The following SPMIP4 variants were observed in gnomAD, a reference collection of about 807,000 sequenced individuals.
The protein encoded by SPMIP4 is sperm-associated microtubule inner protein 4.
chr7:25,164,168 C>T, the SPMIP4 span, among the ~76,000 whole-genome samples: 6 of 152,044 alleles, frequency 3.9e-5, no homozygotes, highest in Non-Finnish European at 5.9e-5. Context: ...GGGAGTGGTG[C>T]GTCTTACTGT....
chr7:25,161,373 A>G, the SPMIP4 span: 1 of 489,812 alleles, frequency 2.0e-6, no homozygotes, highest in Non-Finnish European at 3.6e-6. Flanking sequence ...GTAGAAATTC[A>G]ATATATGAAA....
the SPMIP4 span, among the ~76,000 whole-genome samples, chr7:25,140,439 C>T: frequency 2.6e-5 from 4 of 152,132 alleles, no homozygotes; most frequent in East Asian, 1.9e-4. Flanking sequence ...GTAGCTAGGA[C>T]TACAGGCATG....
At chr7:25,146,006 GACC>G in the SPMIP4 span, among the ~76,000 whole-genome samples, 1 of 152,104 alleles carries the variant, frequency 6.6e-6, no homozygotes, top group Non-Finnish European at 1.5e-5. Context: ...TTACTGTGGA[GACC>G]ACATTGCCAT....
chr7:25,137,427 G>T, the SPMIP4 span, among the ~76,000 whole-genome samples: 2 of 151,916 alleles, frequency 1.3e-5, no homozygotes, highest in South Asian at 4.2e-4. Context: ...GTTGCGGAGT[G>T]TATTAATTTG....
chr7:25,132,567 A>G, the SPMIP4 span, among the ~76,000 whole-genome samples: 1 of 152,292 alleles, frequency 6.6e-6, no homozygotes, highest in Non-Finnish European at 1.5e-5. The surrounding 1 kb of genome is among the most constrained non-coding windows in gnomAD (Gnocchi z 5.0). Flanking sequence ...AGAATGGCCA[A>G]ACCACCCCTT....
At chr7:25,156,915 C>T in the SPMIP4 span, among the ~76,000 whole-genome samples, 1 of 152,146 alleles carries the variant, frequency 6.6e-6, no homozygotes, top group African/African-American at 2.4e-5. Flanking sequence ...TCTTGAACTC[C>T]TGACCTTGTG....
At chr7:25,140,413 C>T in the SPMIP4 span, among the ~76,000 whole-genome samples, 2 of 152,156 alleles carry the variant, frequency 1.3e-5, no homozygotes, top group African/African-American at 4.8e-5. Flanking sequence ...GCGATTCTCC[C>T]ACCTTAGCCT....
the SPMIP4 span, chr7:25,135,637 T>C: frequency 2.6e-5 from 22 of 840,378 alleles, no homozygotes; most frequent in East Asian, 2.0e-3. Flanking sequence ...TCAATTTTTT[T>C]TGGTGAAACA....
At chr7:25,143,093 T>G in the SPMIP4 span, among the ~76,000 whole-genome samples, 8 of 152,340 alleles carry the variant, frequency 5.3e-5, no homozygotes, top group South Asian at 1.7e-3. Flanking sequence ...TCCCTGAATA[T>G]TCTACCTCCA....
chr7:25,160,556 C>G, the SPMIP4 span, among the ~76,000 whole-genome samples: 1 of 152,180 alleles, frequency 6.6e-6, no homozygotes, highest in Admixed American at 6.5e-5. Flanking sequence ...TCCTCAGCCT[C>G]CCAAAGTGTT....
chr7:25,132,479 A>C, the SPMIP4 span, among the ~76,000 whole-genome samples: 8,009 of 152,184 alleles, frequency 0.053, 720 homozygotes, highest in African/African-American at 0.18. This position sits in a 1 kb window ranked among gnomAD's most constrained non-coding sequence, Gnocchi z 5.0. Context: ...ACATTTGTTA[A>C]AAGTAAAAGT....
At chr7:25,138,168 A>T in the SPMIP4 span, among the ~76,000 whole-genome samples, 1 of 152,070 alleles carries the variant, frequency 6.6e-6, no homozygotes, top group Non-Finnish European at 1.5e-5. This position sits in a 1 kb window ranked among gnomAD's most constrained non-coding sequence, Gnocchi z 6.2. Flanking sequence ...ACTGTGATTT[A>T]TGTGTGTATT....
the SPMIP4 span, among the ~76,000 whole-genome samples, chr7:25,154,424 G>C: frequency 1.1e-3 from 175 of 152,322 alleles, 1 homozygote; most frequent in East Asian, 0.028. Flanking sequence ...AAAGACCGAG[G>C]TGTCTAGTGT....
At chr7:25,174,192 CT>C in the SPMIP4 span, among the ~76,000 whole-genome samples, 2 of 152,018 alleles carry the variant, frequency 1.3e-5, no homozygotes, top group South Asian at 2.1e-4. The surrounding 1 kb of genome is among the most constrained non-coding windows in gnomAD (Gnocchi z 4.5). Flanking sequence ...CTCTTTCCCC[CT>C]CTCTCTCCGT....
the SPMIP4 span, among the ~76,000 whole-genome samples, chr7:25,155,418 A>G: frequency 4.4e-4 from 67 of 152,368 alleles, no homozygotes; most frequent in African/African-American, 1.6e-3. Flanking sequence ...AGACAAAACT[A>G]AATTTAATTT....
At chr7:25,172,237 C>T in the SPMIP4 span, among the ~76,000 whole-genome samples, 1 of 152,112 alleles carries the variant, frequency 6.6e-6, no homozygotes, top group African/African-American at 2.4e-5. The surrounding 1 kb of genome is among the most constrained non-coding windows in gnomAD (Gnocchi z 4.2). Context: ...GTGGTAGGAG[C>T]TCAAGCAAGC....
At chr7:25,150,634 C>T in the SPMIP4 span, among the ~76,000 whole-genome samples, 8 of 152,300 alleles carry the variant, frequency 5.3e-5, no homozygotes, top group African/African-American at 1.7e-4. Context: ...TATTTTCAAA[C>T]GTCTAGATAT....
the SPMIP4 span, among the ~76,000 whole-genome samples, chr7:25,133,809 T>C: frequency 6.6e-6 from 1 of 152,240 alleles, no homozygotes; most frequent in African/African-American, 2.4e-5. Context: ...TTTGCTAATG[T>C]GTACTAGAAC....
chr7:25,144,589 C>A, the SPMIP4 span, among the ~76,000 whole-genome samples: 1 of 152,214 alleles, frequency 6.6e-6, no homozygotes, highest in Non-Finnish European at 1.5e-5. Flanking sequence ...GGGTTTAAAG[C>A]CATTTGGTCA....
Sources: allele counts gnomAD v4.1 joint callset (sites outside exome capture counted in the v4.1 genomes callset), GRCh38; gene constraint gnomAD v4.1.1; non-coding constraint Gnocchi (gnomAD v3.1); transcripts MANE v1.5; gene names NCBI Gene and HGNC (gene_info 2026-07-23, HGNC 2026-07-21).